The following AK8 variants were observed in gnomAD, a reference collection of about 807,000 sequenced individuals.
AK8 encodes the protein adenylate kinase 8, also known as ATP-AMP transphosphorylase 8.
In AK8, 44 loss-of-function variants were observed where a neutral mutation model predicts 54.6. The ratio of observed to expected loss-of-function variants is 0.81; its 90% CI spans 0.63 to 1.04. The LOEUF is 1.04. Ranked by LOEUF, AK8 falls within the 50% of genes least tolerant of loss-of-function variation. The pLI is 0.00. For synonymous variants in AK8, 239 were observed against 245.6 expected (o/e 0.97, Z 0.25); for missense variants, 555 against 613.6 (o/e 0.90, Z 1.01).
At chr9:132,726,596 A>G (rs559959836) in intron 12 of AK8, among the ~76,000 whole-genome samples, 1 of 152,072 alleles carries the variant, frequency 6.6e-6, no homozygotes, top group Non-Finnish European at 1.5e-5. Flanking sequence ...CCTTCCATTC[A>G]ATGTTTATCT....
intron 2 of AK8, among the ~76,000 whole-genome samples, chr9:132,871,513 T>C (rs1203720569): frequency 6.6e-6 from 1 of 152,180 alleles, no homozygotes; most frequent in Non-Finnish European, 1.5e-5. Context: ...AAATGAACTC[T>C]CCAAAACAGT....
intron 11 of AK8, among the ~76,000 whole-genome samples, chr9:132,766,699 A>G (rs1317926940): frequency 6.6e-6 from 1 of 152,220 alleles, no homozygotes; most frequent in Non-Finnish European, 1.5e-5. Context: ...AACAATTTTG[A>G]GCAAAAAGAA....
At chr9:132,821,176 G>A (rs1255268571) in intron 9 of AK8, among the ~76,000 whole-genome samples, 1 of 150,800 alleles carries the variant, frequency 6.6e-6, no homozygotes, top group Non-Finnish European at 1.5e-5. Flanking sequence ...TCATAAAACA[G>A]AGCACCGAGA....
intron 2 of AK8, 76 bp from the exon 3 acceptor site, chr9:132,867,029 A>G: frequency 7.2e-7 from 1 of 1,385,318 alleles, no homozygotes; most frequent in Non-Finnish European, 1.0e-6. Flanking sequence ...CTCGGGGTGT[A>G]CTTATTTCTC....
chr9:132,828,814 A>G, intron 5 of AK8, 88 bp from the exon 6 acceptor site: 1 of 1,045,486 alleles, frequency 9.6e-7, no homozygotes, highest in Non-Finnish European at 1.3e-6. Context: ...AGCTTTATAG[A>G]AAGACTAGAA....
chr9:132,827,310 G>A, intron 7 of AK8: 1 of 552,778 alleles, frequency 1.8e-6, no homozygotes, highest in South Asian at 2.2e-5. Context: ...CACTTACTCT[G>A]TGCCAGCCAC....
intron 5 of AK8, among the ~76,000 whole-genome samples, chr9:132,852,684 T>C (rs1013379571): frequency 9.1e-5 from 13 of 142,264 alleles, no homozygotes; most frequent in African/African-American, 3.2e-4. Flanking sequence ...GCATGTGAAT[T>C]GCTTGAACTT....
chr9:132,759,907 C>A (rs1396342112), intron 11 of AK8, among the ~76,000 whole-genome samples: 1 of 152,042 alleles, frequency 6.6e-6, no homozygotes, highest in East Asian at 1.9e-4. Context: ...ACTCTTTGCT[C>A]TTCTATGTAA....
chr9:132,807,191 G>T lies in AK8; in HGVS notation c.979+7447C>A, dbSNP rs193186806. Among the ~76,000 whole-genome samples, 29 of 152,308 alleles carry T rather than the reference G, an allele frequency of 1.9e-4. No homozygotes were observed. The East Asian group carries it at 5.2e-3, about 27-fold the overall frequency. On this transcript the variant is annotated intron_variant, in intron 10 of 12. Transcript: ENST00000298545. ...TGCTTTAGCTGTTGGGAGATGCTGGGGGGGGCGGGGCCACAGGGGCAGCTG... is the reference window on the plus strand; with the variant it reads ...TGCTTTAGCTGTTGGGAGATGCTGGTGGGGGCGGGGCCACAGGGGCAGCTG...
chr9:132,756,993 T>C (rs558300635), intron 11 of AK8, among the ~76,000 whole-genome samples: 1 of 152,366 alleles, frequency 6.6e-6, no homozygotes, highest in Non-Finnish European at 1.5e-5. Context: ...CTCTCTATCA[T>C]GATCAAGATT....
intron 11 of AK8, among the ~76,000 whole-genome samples, chr9:132,756,722 C>T (rs183634692): frequency 6.9e-4 from 105 of 152,242 alleles, no homozygotes; most frequent in African/African-American, 2.2e-3. Flanking sequence ...AAGCACCGAA[C>T]GCACGTCACC....
intron 5 of AK8, among the ~76,000 whole-genome samples, chr9:132,832,013 G>C (rs1013487382): frequency 7.8e-6 from 1 of 128,900 alleles, no homozygotes. Flanking sequence ...AGTGAGCTAC[G>C]ATCGTGCTAT....
intron 10 of AK8, among the ~76,000 whole-genome samples, chr9:132,795,237 G>A (rs746176490): frequency 2.6e-4 from 39 of 152,132 alleles, no homozygotes; most frequent in Admixed American, 1.8e-3. Context: ...AGTCAGAGTC[G>A]GTTCCTTCCA....
intron 5 of AK8, among the ~76,000 whole-genome samples, chr9:132,847,629 T>C (rs1198059584): frequency 2.0e-5 from 3 of 152,082 alleles, no homozygotes; most frequent in Non-Finnish European, 2.9e-5. Context: ...CCCCCCTATA[T>C]TTGACCAAAT....
intron 3 of AK8, among the ~76,000 whole-genome samples, chr9:132,865,471 A>C (rs10901217): frequency 0.21 from 31,216 of 152,176 alleles, 3,516 homozygotes; most frequent in East Asian, 0.44. Context: ...GGCTTTTAAA[A>C]GGTAAAAAAG....
At chr9:132,872,435 A>G (rs995037608) in intron 2 of AK8, among the ~76,000 whole-genome samples, 2 of 152,214 alleles carry the variant, frequency 1.3e-5, no homozygotes, top group Admixed American at 6.5e-5. Context: ...CTAATTTATG[A>G]GAGTTCAAGT....
At chr9:132,739,441 CAAAAAAAAAAAAAAAA>C (rs768297504) in intron 11 of AK8, among the ~76,000 whole-genome samples, 52 of 31,156 alleles carry the variant, frequency 1.7e-3, no homozygotes, top group African/African-American at 5.2e-3. Flanking sequence ...GACTCTGTCT[CAAAAAAAAAAAAAAAA>C]AAAAAAAAAA....
intron 9 of AK8, 45 bp from the exon 10 acceptor site, chr9:132,814,772 G>C (rs752042678): frequency 9.6e-6 from 15 of 1,560,850 alleles, no homozygotes; most frequent in East Asian, 2.3e-5. Flanking sequence ...ATTTTAAATA[G>C]GAGGAAGGAT....
At chr9:132,737,574 T>C (rs1013603807) in intron 11 of AK8, among the ~76,000 whole-genome samples, 3 of 152,180 alleles carry the variant, frequency 2.0e-5, no homozygotes, top group Non-Finnish European at 4.4e-5. Flanking sequence ...AAAGCTAACA[T>C]TCAAAAGTCA....
Sources: allele counts gnomAD v4.1 joint callset (sites outside exome capture counted in the v4.1 genomes callset), GRCh38; gene constraint gnomAD v4.1.1; transcripts MANE v1.5; gene names NCBI Gene and HGNC (gene_info 2026-07-23, HGNC 2026-07-21).